CCDC149: variants seen among roughly 807,000 people sequenced by gnomAD.
The protein encoded by CCDC149 is coiled-coil domain-containing protein 149.
A neutral mutation model predicts 59.9 loss-of-function variants in CCDC149; 45 were observed. The observed-to-expected ratio is 0.75, with a 90% CI of 0.59 to 0.96. CCDC149 has a LOEUF of 0.96. Ranked by LOEUF, CCDC149 falls within the 40% of genes least tolerant of loss-of-function variation. The pLI, the probability that CCDC149 is intolerant of heterozygous loss-of-function variation, is 0.00. For synonymous variants in CCDC149, 245 were observed against 260.6 expected (o/e 0.94, Z 0.58); for missense variants, 584 against 664.7 (o/e 0.88, Z 1.33).
At chr4:24,876,336 C>G (rs113636234) in intron 2 of CCDC149, among the ~76,000 whole-genome samples, 200 bp downstream of exon 2, 1,238 of 122,590 alleles carry the variant, frequency 0.01, 13 homozygotes, top group African/African-American at 0.048. Flanking sequence ...CACACACACA[C>G]ACACAGAGAG....
chr4:24,894,199 G>A (rs1003211063), intron 1 of CCDC149, among the ~76,000 whole-genome samples: 1 of 152,084 alleles, frequency 6.6e-6, no homozygotes, highest in Non-Finnish European at 1.5e-5. Flanking sequence ...CTTCATATAG[G>A]TTCCTGAATT....
At chr4:24,878,126 G>T (rs907986752) in intron 1 of CCDC149, among the ~76,000 whole-genome samples, 1 of 150,222 alleles carries the variant, frequency 6.7e-6, no homozygotes, top group South Asian at 2.1e-4. Context: ...CATATATAGT[G>T]CTTGCTAGGA....
chr4:24,958,418 T>C (rs1723535462), intron 1 of CCDC149, among the ~76,000 whole-genome samples: 1 of 152,200 alleles, frequency 6.6e-6, no homozygotes. Context: ...ATTGCTAACA[T>C]TGGGATCCTA....
At chr4:24,865,376 T>C (rs974447563) in intron 3 of CCDC149, among the ~76,000 whole-genome samples, 1 of 152,180 alleles carries the variant, frequency 6.6e-6, no homozygotes, top group Non-Finnish European at 1.5e-5. Flanking sequence ...ACAGCAAATT[T>C]AATTGCAATT....
chr4:24,850,729 CA>C lies in CCDC149; in HGVS notation c.372+2342del, dbSNP rs201972846. ...GGAGTAGAAAGTGCCATAATTAATT[CA>C]AAAAAAATTGAAGGTTTAACTCATT... On this transcript the variant is annotated intron_variant, in intron 4 of 12. Coordinates refer to ENST00000635206, the MANE Select transcript of CCDC149 (RefSeq NM_001330643.2). Among the ~76,000 whole-genome samples the C allele has an allele frequency of 5.9e-5, 9 of 151,624 alleles. 1 individual carries two copies. In the South Asian group the frequency reaches 1.5e-3, roughly 25 times the overall value.
At chr4:24,818,903 G>T (rs1027482918) in intron 12 of CCDC149, among the ~76,000 whole-genome samples, 24 of 152,164 alleles carry the variant, frequency 1.6e-4, no homozygotes, top group African/African-American at 5.8e-4. Context: ...AATACCAAGG[G>T]GTAGGGAACA....
rs537146006 is a variant in CCDC149 at position 24,921,645 on chromosome 4, C to T, written c.-64-26527G>A. Among the ~76,000 whole-genome samples the T allele has an allele frequency of 1.4e-3, 212 of 152,346 alleles. 2 individuals carry two copies. Among genetic ancestry groups the T allele is most frequent in the African/African-American group, 4.9e-3 (202 of 41,574 alleles). ...GGTCTTTCAGAACTAATGTACCTGC[C>T]ATCACCCGCCAGCGCCCACATGTGG... On this transcript the variant is annotated intron_variant, in intron 1 of 12. Transcript: ENST00000389609.
At chr4:24,811,305 T>C (rs572030511) in intron 12 of CCDC149, among the ~76,000 whole-genome samples, 31 of 152,270 alleles carry the variant, frequency 2.0e-4, no homozygotes, top group Admixed American at 7.2e-4. Context: ...TATCCACTGC[T>C]TTCACTTCCC....
intron 1 of CCDC149, among the ~76,000 whole-genome samples, chr4:24,930,923 C>T (rs1191841484): frequency 6.6e-6 from 1 of 152,082 alleles, no homozygotes; most frequent in East Asian, 1.9e-4. Context: ...AAACTCATAC[C>T]TAAAATTATA....
Position 24,807,881 on chromosome 4 carries a change from C to T in CCDC149, c.*508G>A, listed in dbSNP as rs1714310045. The T allele has an allele frequency of 6.6e-6, 1 of 152,372 alleles. No individual in the cohort carries two copies. Among genetic ancestry groups the T allele is most frequent in the African/African-American group, 2.4e-5 (1 of 41,446 alleles). The allele number at this position is 152,372 out of a possible 1,614,324, so 9.4% of individuals were successfully genotyped here. A position where few individuals can be genotyped will look rare whatever the true frequency, so the allele number is the denominator to read the frequency against. On this transcript the variant is annotated 3_prime_UTR_variant, in exon 13 of 13. Coordinates refer to ENST00000635206, the MANE Select transcript of CCDC149 (RefSeq NM_001330643.2). ...AAGCACACCCATGCCAGGCAGTCCTCCTGGGCCCTGACTTGATGGGGTGCA... is the reference window on the plus strand; with the variant it reads ...AAGCACACCCATGCCAGGCAGTCCTTCTGGGCCCTGACTTGATGGGGTGCA...
At chr4:24,877,432 C>T (rs1719533552) in intron 1 of CCDC149, among the ~76,000 whole-genome samples, 1 of 152,120 alleles carries the variant, frequency 6.6e-6, no homozygotes, top group Non-Finnish European at 1.5e-5. Context: ...GATCTGCCCA[C>T]CTTGGCCTTA....
chr4:24,856,443 A>G lies in CCDC149; in HGVS notation c.265-3264T>C, dbSNP rs141615550. On this transcript the variant is annotated intron_variant, in intron 3 of 12. Transcript: ENST00000635206. ...AGAGAAAAATAAAGCAGGCAAAGGG[A>G]ATAGAATGTGTTGGAAGAAAGGGCC... 1.1e-3 allele frequency among the ~76,000 whole-genome samples: 172 copies of G among 152,342 alleles called. No homozygotes were observed. The East Asian group carries it at 0.032, about 28-fold the overall frequency.
At position 24,912,867 on chromosome 4, in the gene CCDC149, C is replaced by G; in HGVS notation, c.13G>C (p.Ala5Pro). 7.3e-7 allele frequency: 1 copy of G among 1,370,786 alleles called. No individual in the cohort carries two copies. The highest frequency in any genetic ancestry group is 1.4e-5 in the South Asian group (1 of 69,432). The allele number at this position is 1,370,786 out of a possible 1,614,324, so 84.9% of individuals were successfully genotyped here. A position where few individuals can be genotyped will look rare whatever the true frequency, so the allele number is the denominator to read the frequency against. Residue 5 changes from alanine to proline, a missense_variant, in exon 1 of 13, where the codon GCC becomes CCC. Coordinates refer to ENST00000635206, the MANE Select transcript of CCDC149 (RefSeq NM_001330643.2). Reference sequence around the variant, plus strand: ...CTCTCAGTCCGGTCGCCGTTCATGGCCTCCTCCTCCATGCGCTGGCCGGCC... The same window carrying G: ...CTCTCAGTCCGGTCGCCGTTCATGGGCTCCTCCTCCATGCGCTGGCCGGCC...
chr4:24,853,213 GA>G lies in CCDC149; in HGVS notation c.265-35del, dbSNP rs760630333. Reference sequence around the variant, plus strand: ...ATCAACACATTATGAAATACAATCAGAAATGGAGGAGTGGATGAATGCAGGG... The same window carrying G: ...ATCAACACATTATGAAATACAATCAGAATGGAGGAGTGGATGAATGCAGGG... On this transcript the variant is annotated intron_variant, in intron 3 of 12. Coordinates refer to ENST00000635206, the MANE Select transcript of CCDC149 (RefSeq NM_001330643.2). 3.4e-6 allele frequency: 5 copies of G among 1,484,036 alleles called. No homozygotes were observed. In the East Asian group the frequency reaches 9.0e-5, roughly 27 times the overall value. 91.9% of individuals were successfully genotyped at this position (1,484,036 alleles called of 1,614,324 possible). A position where few individuals can be genotyped will look rare whatever the true frequency, so the allele number is the denominator to read the frequency against.
At chr4:24,822,454 GAAA>G in intron 10 of CCDC149, 40 bp downstream of exon 10, 4 of 1,006,152 alleles carry the variant, frequency 4.0e-6, no homozygotes, top group South Asian at 1.9e-5. Flanking sequence ...TTAAAAAAAA[GAAA>G]AAAAAAAAAG....
In CCDC149 at chr4:24,853,120, T is replaced by C. The variant is rs1267330276; in HGVS notation, c.324A>G (p.Glu108=). Residue 108 remains glutamate, a synonymous_variant, in exon 4 of 13, where the codon GAA becomes GAG. Transcript: ENST00000635206. ...CAAGCCTTTGCTGAAGTTCTTTAAT[T>C]TCTTCTCCCAGATGTTTATTTCGGT... The C allele has an allele frequency of 6.2e-7, 1 of 1,614,052 alleles. No homozygotes were observed.
At chr4:24,938,734 A>G (rs1177624946) in intron 1 of CCDC149, among the ~76,000 whole-genome samples, 2 of 152,240 alleles carry the variant, frequency 1.3e-5, no homozygotes, top group African/African-American at 4.8e-5. Flanking sequence ...CAAATGGCAC[A>G]CCAGGAGATT....
chr4:24,848,815 C>T (rs1161904182), intron 4 of CCDC149, among the ~76,000 whole-genome samples: 6 of 152,086 alleles, frequency 3.9e-5, no homozygotes, highest in South Asian at 2.1e-4. Flanking sequence ...GTTTTGCTGC[C>T]GCACCTCAAA....
At chr4:24,921,415 C>A (rs765747807) in intron 1 of CCDC149, among the ~76,000 whole-genome samples, 11 of 152,202 alleles carry the variant, frequency 7.2e-5, no homozygotes, top group Admixed American at 2.6e-4. Context: ...ATTCAACACC[C>A]CCATCCAGGA....
Sources: gnomAD v4.1 joint callset for allele counts (sites outside exome capture counted in the v4.1 genomes callset) on GRCh38, gnomAD v4.1.1 for gene constraint, MANE v1.5 for transcripts, NCBI Gene and HGNC (gene_info 2026-07-23, HGNC 2026-07-21) for gene names.